Variants in SAE1 observed in about 807,000 individuals in gnomAD.
SAE1 encodes SUMO-activating enzyme subunit 1.
A neutral mutation model predicts 40.6 loss-of-function variants in SAE1; 11 were observed. The observed-to-expected ratio is 0.27, with a 90% CI of 0.17 to 0.45. The LOEUF (loss-of-function observed/expected upper bound fraction) is 0.45. SAE1 is among the 20% of genes least tolerant of loss of function. SAE1 has a pLI of 1.00. For missense variants in SAE1, 373 were observed against 427.3 expected (o/e 0.87, Z 1.12); for synonymous variants, 155 against 154.3 (o/e 1.00, Z -0.03).
rs892066081 is a variant in SAE1, at chr19:47,209,448, G to T, written c.*197G>T. 1.7e-5 allele frequency: 16 copies of T among 924,634 alleles called. No individual in the cohort carries two copies. The African/African-American group carries it at 2.7e-4, about 15-fold the overall frequency. 57.3% of individuals were successfully genotyped at this position (924,634 alleles called of 1,614,324 possible). A position where few individuals can be genotyped will look rare whatever the true frequency, so the allele number is the denominator to read the frequency against. On this transcript the variant is annotated 3_prime_UTR_variant, in exon 9 of 9. Coordinates refer to ENST00000270225, the MANE Select transcript of SAE1 (RefSeq NM_005500.3). ...GCAGCTGCTCGACAAGGGGCGCAGG[G>T]TGGCTGTCTTTGTTCCAGCACTGTT...
At chr19:47,153,963 GTA>G (rs2058303974) in intron 4 of SAE1, among the ~76,000 whole-genome samples, 1 of 151,818 alleles carries the variant, frequency 6.6e-6, no homozygotes, top group African/African-American at 2.4e-5. Flanking sequence ...GGCTAATTTT[GTA>G]TTTTTAGTAG....
intron 1 of SAE1, among the ~76,000 whole-genome samples, chr19:47,141,355 T>A (rs2123188815): frequency 6.6e-6 from 1 of 152,200 alleles, no homozygotes; most frequent in Middle Eastern, 3.4e-3. Flanking sequence ...TTGGACAGGC[T>A]GGTCTCGAAC....
chr19:47,158,783 T>C (rs1169561509), intron 5 of SAE1, among the ~76,000 whole-genome samples: 1 of 152,164 alleles, frequency 6.6e-6, no homozygotes, highest in Non-Finnish European at 1.5e-5. Flanking sequence ...CTATGAGAAA[T>C]TAAGTGACCT....
At chr19:47,197,596 G>A (rs965705519) in intron 7 of SAE1, among the ~76,000 whole-genome samples, 5 of 152,154 alleles carry the variant, frequency 3.3e-5, no homozygotes, top group African/African-American at 4.8e-5. Context: ...TTATATTCAC[G>A]TGGTTCAAAA....
At chr19:47,174,832 C>T (rs2058458889) in intron 6 of SAE1, among the ~76,000 whole-genome samples, 1 of 151,822 alleles carries the variant, frequency 6.6e-6, no homozygotes, top group Non-Finnish European at 1.5e-5. Flanking sequence ...CTCAGCCTCC[C>T]AAAGTGCTGG....
chr19:47,133,029 A>G (rs1253291647), intron 1 of SAE1, among the ~76,000 whole-genome samples: 1 of 152,208 alleles, frequency 6.6e-6, no homozygotes, highest in African/African-American at 2.4e-5. Flanking sequence ...TATGGGAAAG[A>G]GCCCTGTGGT....
chr19:47,146,440 G>A lies in SAE1; in HGVS notation c.210+2835G>A, dbSNP rs982642869. The stretch of plus-strand genomic sequence containing the variant: ...GAGGTGAAAGTGGCCTTGCTGATAG[G>A]GATGGCAGGAAGCACACAGATGTGA... On this transcript the variant is annotated intron_variant, in intron 2 of 8. Transcript: ENST00000270225. 2.0e-4 allele frequency among the ~76,000 whole-genome samples: 31 copies of A among 152,144 alleles called. 2 individuals carry two copies. The highest frequency in any genetic ancestry group is 2.9e-5 in the Non-Finnish European group (2 of 68,032).
intron 2 of SAE1, among the ~76,000 whole-genome samples, chr19:47,145,674 G>T (rs1465964265): frequency 6.6e-6 from 1 of 151,968 alleles, no homozygotes; most frequent in Non-Finnish European, 1.5e-5. Context: ...TCTGCCTCCC[G>T]GGTTCAAGCA....
intron 6 of SAE1, among the ~76,000 whole-genome samples, chr19:47,188,877 G>A (rs1442854039): frequency 2.6e-5 from 4 of 152,190 alleles, no homozygotes; most frequent in Admixed American, 1.3e-4. Flanking sequence ...GAGGACTGAG[G>A]TGGTTCTGCC....
chr19:47,169,908 T>C lies in SAE1; in HGVS notation c.718T>C (p.Tyr240His). 1.9e-6 allele frequency: 3 copies of C among 1,613,696 alleles called. No homozygotes were observed. The highest frequency in any genetic ancestry group is 2.5e-6 in the Non-Finnish European group (3 of 1,179,570). The change falls in exon 6 of 9, where the codon TAC becomes CAC. Residue 240 changes from tyrosine (Y) to histidine (H), a missense_variant. Transcript: ENST00000270225. ...TGCTCTGAAGCGCACGACCTCCGAC[T>C]ACTTTCTCCTTCAAGGTGAGGTCTC... is the stretch of plus-strand genomic sequence containing the variant. ...KAALKRTTSD[Y>H]FLLQVLLKFR...
intron 1 of SAE1, among the ~76,000 whole-genome samples, chr19:47,140,696 G>A (rs1568585527): frequency 1.3e-5 from 2 of 151,634 alleles, no homozygotes; most frequent in East Asian, 1.9e-4. Flanking sequence ...TCAATAGGCC[G>A]AGGTGGCGGG....
chr19:47,162,160 T>C (rs993887599), intron 5 of SAE1, among the ~76,000 whole-genome samples: 2 of 152,170 alleles, frequency 1.3e-5, no homozygotes, highest in Non-Finnish European at 2.9e-5. Context: ...TTCTTTTTGG[T>C]TTTTGTTTTG....
intron 7 of SAE1, among the ~76,000 whole-genome samples, chr19:47,202,476 C>T (rs954376652): frequency 6.6e-6 from 1 of 151,518 alleles, no homozygotes; most frequent in Non-Finnish European, 1.5e-5. Context: ...TTAGTAGAAA[C>T]GGGGTTTCAC....
intron 6 of SAE1, among the ~76,000 whole-genome samples, chr19:47,180,458 A>G (rs564273756): frequency 1.3e-5 from 2 of 152,214 alleles, no homozygotes; most frequent in African/African-American, 4.8e-5. Context: ...AGTAGTAACA[A>G]TTGTTTCAAT....
At chr19:47,206,196 C>G (rs2058685815) in intron 8 of SAE1, among the ~76,000 whole-genome samples, 1 of 152,208 alleles carries the variant, frequency 6.6e-6, no homozygotes, top group Non-Finnish European at 1.5e-5. Flanking sequence ...TCCCAGATAG[C>G]CAGAGTACTC....
At chr19:47,138,797 C>T (rs528993927) in intron 1 of SAE1, among the ~76,000 whole-genome samples, 1 of 152,154 alleles carries the variant, frequency 6.6e-6, no homozygotes, top group East Asian at 1.9e-4. Context: ...GCTTGGGCAA[C>T]TTAGTGAGGC....
intron 5 of SAE1, among the ~76,000 whole-genome samples, chr19:47,162,227 A>G (rs952403530): frequency 6.6e-6 from 1 of 152,070 alleles, no homozygotes; most frequent in African/African-American, 2.4e-5. Flanking sequence ...ACTATTTTAT[A>G]TCCATTTTTC....
intron 5 of SAE1, among the ~76,000 whole-genome samples, chr19:47,168,176 A>AAAAAAAAAAT (rs2058406589): frequency 6.6e-6 from 1 of 151,914 alleles, no homozygotes; most frequent in Non-Finnish European, 1.5e-5. Context: ...TGGGTGACAG[A>AAAAAAAAAAT]GGGGGAGACT....
intron 8 of SAE1, among the ~76,000 whole-genome samples, chr19:47,208,502 G>A (rs919921107): frequency 1.9e-4 from 29 of 151,752 alleles, no homozygotes; most frequent in African/African-American, 6.5e-4. Flanking sequence ...GTGCGGTGGC[G>A]CAATCTCAGT....
Sources: allele counts gnomAD v4.1 joint callset (sites outside exome capture counted in the v4.1 genomes callset), GRCh38; gene constraint gnomAD v4.1.1; transcripts MANE v1.5; gene names NCBI Gene and HGNC (gene_info 2026-07-23, HGNC 2026-07-21).